SEC63: variants seen among roughly 807,000 people sequenced by gnomAD.
The protein encoded by SEC63 is SEC63 protein translocation regulator.
Under a neutral mutation model 116.2 loss-of-function variants are expected in SEC63, and 56 were observed. That is an observed-to-expected ratio of 0.48 (90% confidence interval 0.39 to 0.60). SEC63 has a LOEUF of 0.60. Ranked by LOEUF, SEC63 falls within the 20% of genes least tolerant of loss-of-function variation. SEC63 has a pLI of 0.00. For missense variants in SEC63, 668 were observed against 900.0 expected (o/e 0.74, Z 3.30); for synonymous variants, 273 against 294.6 (o/e 0.93, Z 0.75).
At position 107,902,977 on chromosome 6, in the gene SEC63, G is replaced by A; in HGVS notation, c.1076C>T (p.Thr359Ile). 2 of 1,614,046 alleles carry A rather than the reference G, an allele frequency of 1.2e-6. No individual in the cohort carries two copies. Among genetic ancestry groups the A allele is most frequent in the Non-Finnish European group, 1.7e-6 (2 of 1,180,002 alleles). Residue 359 changes from threonine (T) to isoleucine (I), a missense_variant, in exon 12 of 21, where the codon ACT becomes ATT. Physicochemically the swap from Thr to Ile is moderately conservative, Grantham distance 89. Transcript: ENST00000369002. ...CATGCAGTTTTCTAGGGATGCCAAA[G>A]TTGGAGCACGAAACTCCCTTTCTTA... The part of the protein sequence containing the change: ...NREEREFRAP[T>I]LASLENCMKL...
At chr6:107,922,496 A>G (rs1787581339) in intron 3 of SEC63, among the ~76,000 whole-genome samples, 1 of 152,242 alleles carries the variant, frequency 6.6e-6, no homozygotes, top group Non-Finnish European at 1.5e-5. Flanking sequence ...ACAGAGTGAG[A>G]CTTCGTCTCT....
chr6:107,899,357 G>A (rs192819020), intron 13 of SEC63, among the ~76,000 whole-genome samples: 1 of 152,238 alleles, frequency 6.6e-6, no homozygotes, highest in East Asian at 1.9e-4. Flanking sequence ...TGTCAGTGAG[G>A]CCGAACACTC....
intron 1 of SEC63, among the ~76,000 whole-genome samples, chr6:107,949,632 T>C (rs952770077): frequency 6.6e-6 from 1 of 152,162 alleles, no homozygotes; most frequent in African/African-American, 2.4e-5. Flanking sequence ...GAGGTCCTTC[T>C]TTTTACTTTT....
chr6:107,954,481 T>TAAAAAAAAAAAAAAAAAAAA (rs1562345005), intron 1 of SEC63: 3 of 13,994 alleles, frequency 2.1e-4, no homozygotes, highest in African/African-American at 3.1e-4. Context: ...AAAAAAAAAA[T>TAAAAAAAAAAAAAAAAAAAA]CAAAAAAAAA....
At chr6:107,907,812 A>G (rs1243271248) in intron 8 of SEC63, among the ~76,000 whole-genome samples, 2 of 152,178 alleles carry the variant, frequency 1.3e-5, no homozygotes, top group Non-Finnish European at 2.9e-5. Flanking sequence ...TGTTCCTAAA[A>G]CAGCTAAAAT....
In SEC63 at chr6:107,901,491, C is replaced by G. The variant is rs1261612335; in HGVS notation, c.1236G>C (p.Leu412Phe). Reference sequence around the variant, plus strand: ...GACGATCTGATTCTTTTAAACTCACCAAATCCTGGATAGTTTTAATTTTAT... The same window carrying G: ...GACGATCTGATTCTTTTAAACTCACGAAATCCTGGATAGTTTTAATTTTAT... ...KKYKIKTIQD[L>F]VSLKESDRHT... Residue 412 changes from leucine to phenylalanine, a missense_variant, in exon 13 of 21, where the codon TTG becomes TTC. By Grantham distance (22) the Leu-to-Phe change is conservative. Coordinates refer to ENST00000369002, the MANE Select transcript of SEC63 (RefSeq NM_007214.5). The G allele has an allele frequency of 1.4e-5, 22 of 1,595,394 alleles. No individual in the cohort carries two copies. Among genetic ancestry groups the G allele is most frequent in the Non-Finnish European group, 1.7e-5 (20 of 1,164,022 alleles).
Position 107,904,725 on chromosome 6 carries a change from CAAAA to C in SEC63, c.962-8_962-5del. 6.2e-7 allele frequency: 1 copy of C among 1,604,376 alleles called. No homozygotes were observed. On this transcript the variant is annotated splice_region_variant and splice_polypyrimidine_tract_variant and intron_variant, in intron 10 of 20. Transcript: ENST00000369002. The stretch of plus-strand genomic sequence containing the variant: ...TTTTTTAGCATGAATTGCTGATCTG[CAAAA>C]CAATAAAAAACCTGAAACAGATCAT...
chr6:107,931,234 C>T (rs1787798991), intron 1 of SEC63, among the ~76,000 whole-genome samples: 1 of 151,414 alleles, frequency 6.6e-6, no homozygotes, highest in Non-Finnish European at 1.5e-5. Flanking sequence ...CCCAGTTACT[C>T]AGGAGGCTGA....
chr6:107,941,817 G>T (rs371900056), intron 1 of SEC63, among the ~76,000 whole-genome samples: 1 of 152,186 alleles, frequency 6.6e-6, no homozygotes, highest in Non-Finnish European at 1.5e-5. Context: ...CAGTGTTGAC[G>T]ATACCTGGTG....
At chr6:107,956,357 T>C (rs1770711203) in intron 1 of SEC63, among the ~76,000 whole-genome samples, 1 of 152,174 alleles carries the variant, frequency 6.6e-6, no homozygotes, top group African/African-American at 2.4e-5. Flanking sequence ...TAACTTGAAA[T>C]ACAACAACCA....
chr6:107,945,977 C>T (rs1770474364), intron 1 of SEC63, among the ~76,000 whole-genome samples: 1 of 152,086 alleles, frequency 6.6e-6, no homozygotes, highest in African/African-American at 2.4e-5. Context: ...TACTCTGTCG[C>T]CCAGGCTGGA....
At chr6:107,874,123 T>C (rs889393645) in intron 19 of SEC63, among the ~76,000 whole-genome samples, 2 of 152,056 alleles carry the variant, frequency 1.3e-5, no homozygotes, top group African/African-American at 4.8e-5. Context: ...ATCACCAACA[T>C]AGGGCAAAGT....
rs200389835 is a variant in SEC63 at position 107,928,328 on chromosome 6, C to CA, written c.224+1086dup. Among the ~76,000 whole-genome samples, 1,279 of 146,022 alleles carry CA rather than the reference C, an allele frequency of 8.8e-3. 13 individuals carry two copies. Among genetic ancestry groups the CA allele is most frequent in the African/African-American group, 0.027 (1,068 of 39,974 alleles). On this transcript the variant is annotated intron_variant, in intron 2 of 20. Coordinates refer to ENST00000369002, the MANE Select transcript of SEC63 (RefSeq NM_007214.5). Reference sequence around the variant, plus strand: ...TGAAACCCCATCCCTATAAAAAATACAAAAAAAAAAGTTAACCAGGTGTAG... The same window carrying CA: ...TGAAACCCCATCCCTATAAAAAATACAAAAAAAAAAAGTTAACCAGGTGTAG...
Position 107,921,850 on chromosome 6 carries a change from T to A in SEC63, c.399A>T (p.Pro133=). The part of the protein sequence containing the change: ...QYRLLSLKYH[P]DKGGDEVMFM... ...ACATAACCTCATCACCTCCTTTATCTGGATGATATTTAAGTGACAGCAAAC... is the reference window on the plus strand; with the variant it reads ...ACATAACCTCATCACCTCCTTTATCAGGATGATATTTAAGTGACAGCAAAC... Residue 133 remains proline (P), a synonymous_variant, in exon 4 of 21, where the codon CCA becomes CCT. Transcript: ENST00000369002. 1.9e-6 allele frequency: 3 copies of A among 1,613,048 alleles called. No individual in the cohort carries two copies. The highest frequency in any genetic ancestry group is 2.2e-5 in the South Asian group (2 of 91,058).
chr6:107,891,718 G>C (rs1786687184), intron 16 of SEC63, among the ~76,000 whole-genome samples: 1 of 152,196 alleles, frequency 6.6e-6, no homozygotes, highest in Non-Finnish European at 1.5e-5. Flanking sequence ...GGTCTTTGAA[G>C]TCAGTGACCT....
At position 107,919,515 on chromosome 6, in the gene SEC63, T is replaced by C. The variant is rs566350032; in HGVS notation, c.452+2282A>G. Among the ~76,000 whole-genome samples the C allele has an allele frequency of 3.9e-4, 59 of 152,248 alleles. No homozygotes were observed. The South Asian group carries it at 5.6e-3, about 14-fold the overall frequency. On this transcript the variant is annotated intron_variant, in intron 4 of 20. Coordinates refer to ENST00000369002, the MANE Select transcript of SEC63 (RefSeq NM_007214.5). ...AAAGCAGTGGCAGAATGTGAGAGGA[T>C]TGACTCCAATTTTGAAAGAAGTTCT...
At chr6:107,953,065 G>T (rs924302779) in intron 1 of SEC63, among the ~76,000 whole-genome samples, 11 of 152,186 alleles carry the variant, frequency 7.2e-5, no homozygotes, top group Non-Finnish European at 1.5e-4. Flanking sequence ...TTCGAGACCA[G>T]CCTGGCCAAC....
intron 1 of SEC63, among the ~76,000 whole-genome samples, chr6:107,931,516 G>A (rs573114061): frequency 1.5e-4 from 22 of 151,242 alleles, no homozygotes; most frequent in East Asian, 9.7e-4. Context: ...TTGGGAGGCC[G>A]AGGCAGGCAG....
intron 13 of SEC63, among the ~76,000 whole-genome samples, chr6:107,900,440 G>A (rs948882614): frequency 6.6e-5 from 10 of 152,034 alleles, no homozygotes; most frequent in Non-Finnish European, 1.0e-4. Flanking sequence ...CCAGAAGCTC[G>A]TGACCAGCCT....
Sources: allele counts gnomAD v4.1 joint callset (sites outside exome capture counted in the v4.1 genomes callset), GRCh38; gene constraint gnomAD v4.1.1; transcripts MANE v1.5; gene names NCBI Gene and HGNC (gene_info 2026-07-23, HGNC 2026-07-21).